Variants in OR1J2 observed in about 807,000 individuals in gnomAD.
OR1J2 encodes the protein olfactory receptor family 1 subfamily J member 2, also known as olfactory receptor 1J2.
For synonymous variants in OR1J2, 142 were observed against 99.7 expected (o/e 1.42, Z -2.52); for missense variants, 304 against 246.1 (o/e 1.24, Z -1.57).
chr9:122,554,363 A>T, the OR1J2 span: 1 of 523,356 alleles, frequency 1.9e-6, no homozygotes. Context: ...CTCTTTCCTG[A>T]CCCCAGTGAG....
the OR1J2 span, among the ~76,000 whole-genome samples, chr9:122,518,267 G>A: frequency 3.2e-4 from 49 of 152,370 alleles, no homozygotes; most frequent in African/African-American, 1.1e-3. Context: ...ACTAGGTATG[G>A]TGTTTACTGT....
At chr9:122,464,653 A>T in the OR1J2 span, among the ~76,000 whole-genome samples, 66 of 152,290 alleles carry the variant, frequency 4.3e-4, no homozygotes, top group African/African-American at 1.4e-3. Flanking sequence ...TTTGGAAAAG[A>T]TTGGTGACTC....
chr9:122,515,894 A>G (rs1377829083), downstream of OR1J2, among the ~76,000 whole-genome samples: 2 of 152,028 alleles, frequency 1.3e-5, no homozygotes, highest in African/African-American at 2.4e-5. Context: ...GGCAACATCT[A>G]CTACCCCAGT....
At position 122,511,441 on chromosome 9, in the gene OR1J2, A is replaced by G. The variant is rs1330624896; in HGVS notation, c.640A>G (p.Ile214Val). ...GGTCATTACCCTGCCATTCATGTGT[A>G]TCCTGGTATCATATGGCTACATTGG... Reference protein sequence around the residue: ...VVVITLPFMCILVSYGYIGAT... With the variant: ...VVVITLPFMCVLVSYGYIGAT... The change falls in exon 1 of 1, where the codon ATC (isoleucine) becomes GTC (valine). Residue 214 changes from isoleucine to valine, a missense_variant. Physicochemically the swap from Ile to Val is conservative, Grantham distance 29. Transcript: ENST00000335302. 1 of 777,990 alleles carries G rather than the reference A, an allele frequency of 1.3e-6. No homozygotes were observed. Among genetic ancestry groups the G allele is most frequent in the Non-Finnish European group, 2.4e-6 (1 of 416,756 alleles). The allele number at this position is 777,990 out of a possible 1,614,324, so 48.2% of individuals were successfully genotyped here.
At chr9:122,454,839 A>G in the OR1J2 span, among the ~76,000 whole-genome samples, 1 of 152,168 alleles carries the variant, frequency 6.6e-6, no homozygotes, top group Non-Finnish European at 1.5e-5. Context: ...CAGTCAAGTT[A>G]TTTATTTGTT....
At chr9:122,519,271 T>C in the OR1J2 span, 34 of 1,613,860 alleles carry the variant, frequency 2.1e-5, no homozygotes, top group Admixed American at 1.5e-4. Context: ...GGGAACCTGC[T>C]CATCATCCTG....
the OR1J2 span, among the ~76,000 whole-genome samples, chr9:122,577,999 GA>G: frequency 2.6e-5 from 4 of 152,186 alleles, no homozygotes; most frequent in African/African-American, 7.2e-5. Context: ...GCCAAGTGTG[GA>G]TGTGGTGAAA....
the OR1J2 span, among the ~76,000 whole-genome samples, chr9:122,533,001 G>C: frequency 2.0e-5 from 3 of 151,868 alleles, no homozygotes; most frequent in Non-Finnish European, 2.9e-5. Context: ...TGTCTGTGAA[G>C]GCTTGCGGCA....
the OR1J2 span, among the ~76,000 whole-genome samples, chr9:122,486,925 T>G: frequency 6.6e-6 from 1 of 152,178 alleles, no homozygotes; most frequent in Non-Finnish European, 1.5e-5. Flanking sequence ...ATAGATGTAT[T>G]GCTTCAGTCT....
chr9:122,553,042 C>A, the OR1J2 span: 1 of 707,604 alleles, frequency 1.4e-6, no homozygotes. Context: ...TATTTCCTTG[C>A]ATTCCCAGTG....
chr9:122,536,638 G>A, the OR1J2 span, among the ~76,000 whole-genome samples: 1 of 152,076 alleles, frequency 6.6e-6, no homozygotes, highest in African/African-American at 2.4e-5. Flanking sequence ...TTTTTTCTGG[G>A]CTCTTTTGAG....
At chr9:122,521,138 C>A in the OR1J2 span, among the ~76,000 whole-genome samples, 1 of 152,200 alleles carries the variant, frequency 6.6e-6, no homozygotes, top group East Asian at 1.9e-4. Context: ...CAACACCTAA[C>A]ATATTTTATT....
At chr9:122,477,528 G>A in the OR1J2 span, 4 of 1,614,052 alleles carry the variant, frequency 2.5e-6, no homozygotes, top group African/African-American at 1.3e-5. Context: ...TCATGATGGT[G>A]GCATAATGTA....
chr9:122,474,896 C>G, the OR1J2 span, among the ~76,000 whole-genome samples: 2 of 152,202 alleles, frequency 1.3e-5, no homozygotes, highest in African/African-American at 2.4e-5. Flanking sequence ...AGCCAGTGGA[C>G]TCCGTGTCTA....
the OR1J2 span, among the ~76,000 whole-genome samples, chr9:122,457,210 G>A: frequency 6.6e-6 from 1 of 152,034 alleles, no homozygotes; most frequent in Non-Finnish European, 1.5e-5. Flanking sequence ...ACACACTGGG[G>A]CCTCTCAGGG....
chr9:122,526,103 G>A, the OR1J2 span, among the ~76,000 whole-genome samples: 1 of 152,216 alleles, frequency 6.6e-6, no homozygotes, highest in African/African-American at 2.4e-5. Flanking sequence ...AATAATAATA[G>A]CTATCCCTTA....
At chr9:122,453,018 A>C in the OR1J2 span, among the ~76,000 whole-genome samples, 49 of 138,736 alleles carry the variant, frequency 3.5e-4, no homozygotes, top group African/African-American at 1.3e-3. Context: ...ACAAGAGCAA[A>C]GCTTCGTCTC....
the OR1J2 span, among the ~76,000 whole-genome samples, chr9:122,543,658 G>A: frequency 6.6e-6 from 1 of 152,196 alleles, no homozygotes; most frequent in Non-Finnish European, 1.5e-5. Context: ...TTGTCATGTT[G>A]TGAGAAGGCC....
chr9:122,496,403 G>A, the OR1J2 span, among the ~76,000 whole-genome samples: 1 of 152,132 alleles, frequency 6.6e-6, no homozygotes, highest in Non-Finnish European at 1.5e-5. Context: ...GGCTTGCCGC[G>A]GCTTCTGTGG....
Sources: allele counts gnomAD v4.1 joint callset (sites outside exome capture counted in the v4.1 genomes callset), GRCh38; gene constraint gnomAD v4.1.1; transcripts MANE v1.5; gene names NCBI Gene and HGNC (gene_info 2026-07-23, HGNC 2026-07-21).